CACNA1G: variants seen among roughly 807,000 people sequenced by gnomAD.
The protein encoded by CACNA1G is voltage-dependent T-type calcium channel subunit alpha-1G.
CACNA1G carries 67 observed loss-of-function variants against 219.4 expected under a neutral mutation model. That is an observed-to-expected ratio of 0.31 (90% CI 0.25 to 0.37). CACNA1G has a LOEUF of 0.37. CACNA1G is among the 10% of genes least tolerant of loss of function. CACNA1G has a pLI of 1.00. For missense variants in CACNA1G, 2,380 were observed against 3,231.4 expected (o/e 0.74, Z 6.39); for synonymous variants, 1,296 against 1,345.3 (o/e 0.96, Z 0.80).
chr17:50,602,319 T>TGCCAGGCCTGCCAGGGCA (rs1478544341), intron 19 of CACNA1G, among the ~76,000 whole-genome samples: 2 of 152,246 alleles, frequency 1.3e-5, no homozygotes, highest in African/African-American at 4.8e-5. Context: ...GGGAACTAGA[T>TGCCAGGCCTGCCAGGGCA]GGCCTTCCTC....
At chr17:50,611,115 G>A (rs1454128617) in intron 26 of CACNA1G, among the ~76,000 whole-genome samples, 2 of 152,068 alleles carry the variant, frequency 1.3e-5, no homozygotes, top group Non-Finnish European at 2.9e-5. Context: ...TTAGCCGGGC[G>A]TGGTGGCATA....
At chr17:50,582,581 A>G (rs1342667613) in intron 9 of CACNA1G, among the ~76,000 whole-genome samples, 1 of 152,126 alleles carries the variant, frequency 6.6e-6, no homozygotes, top group Non-Finnish European at 1.5e-5. Flanking sequence ...TCAGAAAAGA[A>G]GTTGCCTTCT....
At position 50,596,783 on chromosome 17, in the gene CACNA1G, A is replaced by G; in HGVS notation, c.3118A>G (p.Ile1040Val). The G allele has an allele frequency of 6.2e-7, 1 of 1,611,980 alleles. No homozygotes were observed. Among genetic ancestry groups the G allele is most frequent in the Non-Finnish European group, 8.5e-7 (1 of 1,179,554 alleles). The change falls in exon 16 of 38, where the codon ATC becomes GTC. Residue 1040 changes from isoleucine (I) to valine (V), a missense_variant. Coordinates refer to ENST00000359106, the MANE Select transcript of CACNA1G (RefSeq NM_018896.5). The surrounding 1 kb of genome is among the most constrained non-coding windows in gnomAD (Gnocchi z 4.8). ...ELRKSLLPPL[I>V]IHTAATPMSL... ...GCGGAAGAGCCTGCTGCCGCCTCTC[A>G]TCATCCACACGGCCGCCACACCCAT...
intron 23 of CACNA1G, 140 bp from the exon 24 acceptor site, chr17:50,606,760 G>A (rs1422238769): frequency 1.5e-6 from 1 of 678,014 alleles, no homozygotes; most frequent in East Asian, 2.7e-5. Context: ...CTCTCCTGGA[G>A]CCTGGAGTGT....
In CACNA1G at chr17:50,612,728, T is replaced by G. The variant is rs2049493125; in HGVS notation, c.4760-2633T>G. Among the ~76,000 whole-genome samples, 3 of 152,208 alleles carry G rather than the reference T, an allele frequency of 2.0e-5. No individual in the cohort carries two copies. In the South Asian group the frequency reaches 6.2e-4, roughly 31 times the overall value. ...GCCTTGCGGCCCTCCTTCTGTACCC[T>G]TCCTCCCTCCCTGCCCCGAAGTGGG... On this transcript the variant is annotated intron_variant, in intron 26 of 37. Coordinates refer to ENST00000359106, the MANE Select transcript of CACNA1G (RefSeq NM_018896.5).
rs369327128 is a variant in CACNA1G, at chr17:50,576,280, C to T, written c.1878C>T (p.Pro626=). The change falls in exon 8 of 38, where the codon CCC becomes CCT. Residue 626 remains proline, a synonymous_variant. Transcript: ENST00000359106. ...CCCTCACCAGCCTCAACATCCCACC[C>T]GGGCCCTACAGCTCCATGCACAAGC... The part of the protein sequence containing the change: ...PPTLTSLNIP[P]GPYSSMHKLL... 1.4e-5 allele frequency: 22 copies of T among 1,584,686 alleles called. No individual in the cohort carries two copies. Among genetic ancestry groups the T allele is most frequent in the South Asian group, 6.9e-5 (6 of 86,844 alleles).
chr17:50,593,351 G>A (rs777146675), intron 13 of CACNA1G, among the ~76,000 whole-genome samples: 12 of 152,320 alleles, frequency 7.9e-5, no homozygotes, highest in African/African-American at 2.4e-4. Context: ...TGCCAGCCAC[G>A]GTTCCCTCAG....
intron 25 of CACNA1G, 151 bp downstream of exon 25, chr17:50,608,170 A>T (rs1470042642): frequency 7.3e-6 from 5 of 683,560 alleles, no homozygotes; most frequent in Non-Finnish European, 1.0e-5. Context: ...TCTCCCCAAG[A>T]GCATGTCTGC....
At position 50,576,307 on chromosome 17, in the gene CACNA1G, G is replaced by A. The variant is rs1298132719; in HGVS notation, c.1905G>A (p.Leu635=). Residue 635 remains leucine, a synonymous_variant, in exon 8 of 38, where the codon CTG becomes CTA. Coordinates refer to ENST00000359106, the MANE Select transcript of CACNA1G (RefSeq NM_018896.5). ...GGCCCTACAGCTCCATGCACAAGCT[G>A]CTGGAGACACAGAGTACAGGTGAGA... is the stretch of plus-strand genomic sequence containing the variant. ...PPGPYSSMHK[L]LETQSTGACQ... 1 of 1,575,362 alleles carries A rather than the reference G, an allele frequency of 6.3e-7. No homozygotes were observed. The highest frequency in any genetic ancestry group is 1.2e-5 in the South Asian group (1 of 86,006).
At chr17:50,588,931 T>C (rs1050384184) in intron 9 of CACNA1G, among the ~76,000 whole-genome samples, 1 of 152,226 alleles carries the variant, frequency 6.6e-6, no homozygotes, top group Non-Finnish European at 1.5e-5. Flanking sequence ...GCCATTAGGA[T>C]ACATTTGGGT....
chr17:50,583,490 G>A (rs1459440595), intron 9 of CACNA1G, among the ~76,000 whole-genome samples: 1 of 152,212 alleles, frequency 6.6e-6, no homozygotes, highest in African/African-American at 2.4e-5. Flanking sequence ...AGGTTCTGGT[G>A]GAAAAGTCAT....
chr17:50,565,385 G>GGGT (rs939776223), intron 1 of CACNA1G, among the ~76,000 whole-genome samples: 51 of 145,124 alleles, frequency 3.5e-4, no homozygotes, highest in African/African-American at 1.1e-3. Context: ...TGTGGGGTGG[G>GGGT]GCGGGGGGTT....
At chr17:50,565,492 C>T (rs1339694090) in intron 1 of CACNA1G, among the ~76,000 whole-genome samples, 1 of 152,124 alleles carries the variant, frequency 6.6e-6, no homozygotes, top group Non-Finnish European at 1.5e-5. Flanking sequence ...CACCAGGAGC[C>T]TCTCTGTGGG....
intron 25 of CACNA1G, among the ~76,000 whole-genome samples, chr17:50,608,663 C>G (rs570001414): frequency 1.4e-4 from 22 of 152,192 alleles, no homozygotes; most frequent in South Asian, 4.1e-4. Flanking sequence ...CACCTCCTCA[C>G]CTGTGCTCCC....
intron 9 of CACNA1G, among the ~76,000 whole-genome samples, chr17:50,587,152 A>G (rs1259726067): frequency 1.3e-5 from 2 of 152,044 alleles, no homozygotes; most frequent in Admixed American, 6.5e-5. Flanking sequence ...CTGTCTGGGT[A>G]TATGGTGGGG....
At chr17:50,562,237 C>T (rs1371058204) in intron 1 of CACNA1G, 2 of 153,516 alleles carry the variant, frequency 1.3e-5, no homozygotes, top group African/African-American at 4.8e-5. Flanking sequence ...ATTCTAGGGT[C>T]TGATCCCCCA....
At chr17:50,625,928 G>A in intron 37 of CACNA1G, 89 bp from the exon 38 acceptor site, 1 of 1,411,662 alleles carries the variant, frequency 7.1e-7, no homozygotes, top group East Asian at 2.3e-5. Context: ...CCTGGTGGTG[G>A]TGGGCAGGGG....
intron 7 of CACNA1G, among the ~76,000 whole-genome samples, chr17:50,574,982 A>T (rs2040324969): frequency 6.6e-6 from 1 of 152,178 alleles, no homozygotes; most frequent in Admixed American, 6.5e-5. Context: ...CCCTGTTTTC[A>T]GATGAGGATA....
chr17:50,613,423 C>T (rs2049702552), intron 26 of CACNA1G, among the ~76,000 whole-genome samples: 1 of 152,170 alleles, frequency 6.6e-6, no homozygotes, highest in Admixed American at 6.5e-5. Context: ...GCCCCGCCTT[C>T]CTTCTGGGCC....
Sources: allele counts gnomAD v4.1 joint callset (sites outside exome capture counted in the v4.1 genomes callset), GRCh38; gene constraint gnomAD v4.1.1; non-coding constraint Gnocchi (gnomAD v3.1); transcripts MANE v1.5; gene names NCBI Gene and HGNC (gene_info 2026-07-23, HGNC 2026-07-21).